TENM2: variants seen among roughly 807,000 people sequenced by gnomAD.
TENM2 encodes the protein teneurin transmembrane protein 2.
A neutral mutation model predicts 245.2 loss-of-function variants in TENM2; 52 were observed. The ratio of observed to expected loss-of-function variants is 0.21; its 90% CI spans 0.17 to 0.27. TENM2 has a LOEUF of 0.27. Ranked by LOEUF, TENM2 falls within the 10% of genes least tolerant of loss-of-function variation. The pLI is 1.00. For synonymous variants in TENM2, 1,363 were observed against 1,438.9 expected (o/e 0.95, Z 1.19); for missense variants, 3,046 against 3,666.8 (o/e 0.83, Z 4.37).
chr5:167,435,139 T>C (rs1764469387), intron 2 of TENM2, among the ~76,000 whole-genome samples: 1 of 148,778 alleles, frequency 6.7e-6, no homozygotes, highest in Non-Finnish European at 1.5e-5. Context: ...TTGTACATCT[T>C]ATCAGTAGTT....
intron 1 of TENM2, among the ~76,000 whole-genome samples, chr5:167,297,053 A>G (rs1481097364): frequency 6.6e-6 from 1 of 152,212 alleles, no homozygotes; most frequent in Non-Finnish European, 1.5e-5. Flanking sequence ...CATTTTTTAA[A>G]ACCAAATCTT....
At chr5:167,859,068 C>T (rs1771387909) in intron 2 of TENM2, among the ~76,000 whole-genome samples, 3 of 149,572 alleles carry the variant, frequency 2.0e-5, no homozygotes, top group East Asian at 2.0e-4. Context: ...AAGTGAGGAG[C>T]GTCTCTGCCC....
At chr5:167,706,001 T>A (rs868379179) in intron 2 of TENM2, among the ~76,000 whole-genome samples, 16 of 133,906 alleles carry the variant, frequency 1.2e-4, no homozygotes, top group African/African-American at 4.9e-4. Context: ...ATTTATTTAT[T>A]TATTTATTTA....
At chr5:167,521,828 T>C (rs1171122031) in intron 2 of TENM2, among the ~76,000 whole-genome samples, 1 of 152,112 alleles carries the variant, frequency 6.6e-6, no homozygotes, top group Non-Finnish European at 1.5e-5. Context: ...CTTATTGGAG[T>C]ATCTCTGATT....
intron 2 of TENM2, among the ~76,000 whole-genome samples, chr5:167,417,672 T>G (rs1763244120): frequency 6.6e-6 from 1 of 152,086 alleles, no homozygotes; most frequent in African/African-American, 2.4e-5. Flanking sequence ...GTGATTCCCT[T>G]TTTATAGTCA....
At chr5:167,084,327 T>TTATTTATATATATATATG in the TENM2 span, among the ~76,000 whole-genome samples, 1 of 23,170 alleles carries the variant, frequency 4.3e-5, no homozygotes, top group Admixed American at 7.1e-4. Context: ...GCCATTTTAG[T>TTATTTATATATATATATG]TATATATATA....
intron 2 of TENM2, among the ~76,000 whole-genome samples, chr5:167,736,596 A>G (rs1254485994): frequency 1.3e-5 from 2 of 151,914 alleles, no homozygotes; most frequent in African/African-American, 4.8e-5. Flanking sequence ...AACGATGTCA[A>G]GCCATTATGA....
At chr5:167,395,759 G>GA (rs528743100) in intron 2 of TENM2, among the ~76,000 whole-genome samples, 27 of 151,820 alleles carry the variant, frequency 1.8e-4, no homozygotes, top group African/African-American at 4.8e-4. Flanking sequence ...AAGTTGATGA[G>GA]AAAAAAAATG....
intron 1 of TENM2, among the ~76,000 whole-genome samples, chr5:167,367,572 A>C (rs2127287953): frequency 6.6e-6 from 1 of 152,290 alleles, no homozygotes; most frequent in South Asian, 2.1e-4. Flanking sequence ...ATAAAACATT[A>C]GTATTCATAA....
chr5:167,397,285 CA>C (rs1199798010), intron 2 of TENM2, among the ~76,000 whole-genome samples: 3 of 151,054 alleles, frequency 2.0e-5, no homozygotes, highest in Non-Finnish European at 4.4e-5. Context: ...AAGGCAAACT[CA>C]AAAAAAATGA....
chr5:167,526,311 G>A (rs1030276328), intron 2 of TENM2, among the ~76,000 whole-genome samples: 2 of 151,034 alleles, frequency 1.3e-5, no homozygotes, highest in African/African-American at 4.9e-5. Context: ...AATGCATAGA[G>A]TCAGCTACCT....
At chr5:168,030,303 G>A (rs984043913) in intron 5 of TENM2, among the ~76,000 whole-genome samples, 2 of 151,398 alleles carry the variant, frequency 1.3e-5, no homozygotes, top group African/African-American at 4.9e-5. Context: ...GAGATGTCTG[G>A]GCTCTCTCAC....
At chr5:166,985,455 C>T in the TENM2 span, among the ~76,000 whole-genome samples, 1 of 152,104 alleles carries the variant, frequency 6.6e-6, no homozygotes, top group Non-Finnish European at 1.5e-5. Flanking sequence ...ACTGGCTTCT[C>T]TATATTTTAA....
the TENM2 span, among the ~76,000 whole-genome samples, chr5:166,990,377 C>G: frequency 2.0e-5 from 3 of 152,150 alleles, no homozygotes; most frequent in Non-Finnish European, 2.9e-5. Context: ...CACTTTCAGT[C>G]CTTGGATGTT....
rs573675983 is a variant in TENM2 at position 167,645,043 on chromosome 5, G to A, written c.503-230943G>A. On this transcript the variant is annotated intron_variant, in intron 2 of 28. Transcript: ENST00000518659. Reference sequence around the variant, plus strand: ...GGAGGCAATTGAAACACAATGGGAAGTATTTCTGTATCTGAACACAGAAAA... The same window carrying A: ...GGAGGCAATTGAAACACAATGGGAAATATTTCTGTATCTGAACACAGAAAA... Among the ~76,000 whole-genome samples the A allele has an allele frequency of 3.3e-5, 5 of 152,236 alleles. No homozygotes were observed. In the East Asian group the frequency reaches 5.8e-4, roughly 18 times the overall value.
intron 5 of TENM2, among the ~76,000 whole-genome samples, chr5:168,000,397 C>T (rs1784342429): frequency 6.6e-6 from 1 of 152,202 alleles, no homozygotes; most frequent in South Asian, 2.1e-4. Flanking sequence ...AAAGCACATA[C>T]ATGGACTTTG....
intron 2 of TENM2, among the ~76,000 whole-genome samples, chr5:167,796,819 T>C (rs1765356409): frequency 6.6e-6 from 1 of 152,162 alleles, no homozygotes; most frequent in African/African-American, 2.4e-5. Flanking sequence ...GCTGTCCATG[T>C]TCAAGTGTTT....
chr5:167,566,092 G>A (rs1030075360), intron 2 of TENM2, among the ~76,000 whole-genome samples: 2 of 151,992 alleles, frequency 1.3e-5, no homozygotes, highest in African/African-American at 4.8e-5. Flanking sequence ...TGAAATAAAT[G>A]ATCTCATTGA....
the TENM2 span, among the ~76,000 whole-genome samples, chr5:167,026,775 AG>A: frequency 6.6e-6 from 1 of 152,218 alleles, no homozygotes; most frequent in Non-Finnish European, 1.5e-5. Flanking sequence ...AATGTGTGGA[AG>A]TTTTCCAGTT....
Sources: gnomAD v4.1 joint callset for allele counts (sites outside exome capture counted in the v4.1 genomes callset) on GRCh38, gnomAD v4.1.1 for gene constraint, MANE v1.5 for transcripts, NCBI Gene and HGNC (gene_info 2026-07-23, HGNC 2026-07-21) for gene names.